The following IGSF21 variants were observed in gnomAD, a reference collection of about 807,000 sequenced individuals.
The protein encoded by IGSF21 is immunoglobulin superfamily member 21.
Under a neutral mutation model 46.8 loss-of-function variants are expected in IGSF21, and 28 were observed. The ratio of observed to expected loss-of-function variants is 0.60; its 90% CI spans 0.44 to 0.82. The LOEUF is 0.82. Ranked by LOEUF, IGSF21 falls within the 40% of genes least tolerant of loss-of-function variation. The pLI is 0.00. For missense variants in IGSF21, 624 were observed against 665.5 expected, an observed-to-expected ratio of 0.94 and a Z score of 0.69; for synonymous variants, 284 against 273.6, an observed-to-expected ratio of 1.04 and a Z score of -0.38.
At chr1:18,270,159 T>C (rs1251207349) in intron 2 of IGSF21, among the ~76,000 whole-genome samples, 1 of 152,212 alleles carries the variant, frequency 6.6e-6, no homozygotes, top group Admixed American at 6.5e-5. Flanking sequence ...TTCTTGTGGT[T>C]GAACTACCAG....
chr1:18,203,555 C>T (rs533601637), intron 1 of IGSF21, among the ~76,000 whole-genome samples: 4 of 152,298 alleles, frequency 2.6e-5, no homozygotes, highest in East Asian at 1.9e-4. Flanking sequence ...GTGATCTGCC[C>T]GCCTCAGCTT....
At position 18,275,269 on chromosome 1, in the gene IGSF21, G is replaced by A. The variant is rs112303017; in HGVS notation, c.184-16597G>A. On this transcript the variant is annotated intron_variant, in intron 2 of 9. Coordinates refer to ENST00000251296, the MANE Select transcript of IGSF21 (RefSeq NM_032880.5). Reference sequence around the variant, plus strand: ...ACCACACTGGGAGTAGATCTGGGAGGCAGTCTTGACCCAGGGATCTAAGCT... The same window carrying A: ...ACCACACTGGGAGTAGATCTGGGAGACAGTCTTGACCCAGGGATCTAAGCT... Among the ~76,000 whole-genome samples the A allele has an allele frequency of 2.3e-3, 350 of 152,276 alleles. 3 individuals are homozygous for A. The highest frequency in any genetic ancestry group is 8.1e-3 in the African/African-American group (336 of 41,552).
At chr1:18,198,847 A>T (rs1262923181) in intron 1 of IGSF21, among the ~76,000 whole-genome samples, 1 of 152,168 alleles carries the variant, frequency 6.6e-6, no homozygotes, top group Non-Finnish European at 1.5e-5. Context: ...TGGGAGTAAT[A>T]GGCTTTGTTA....
intron 5 of IGSF21, among the ~76,000 whole-genome samples, chr1:18,362,916 G>A (rs893449487): frequency 2.6e-5 from 4 of 152,188 alleles, no homozygotes; most frequent in African/African-American, 9.7e-5. Flanking sequence ...GAACAACCAT[G>A]AGCAGGAAAT....
At chr1:18,128,270 G>C (rs2086290051) in intron 1 of IGSF21, among the ~76,000 whole-genome samples, 1 of 152,178 alleles carries the variant, frequency 6.6e-6, no homozygotes, top group African/African-American at 2.4e-5. Context: ...GGGGAGTAAA[G>C]CAGGGCTGTG....
At position 18,291,930 on chromosome 1, in the gene IGSF21, A is replaced by C; in HGVS notation, c.248A>C (p.Tyr83Ser). The change falls in exon 3 of 10, where the codon TAC becomes TCC. Residue 83 changes from tyrosine to serine, a missense_variant. By Grantham distance (144) the Tyr-to-Ser change is moderately radical. Coordinates refer to ENST00000251296, the MANE Select transcript of IGSF21 (RefSeq NM_032880.5). Reference sequence around the variant, plus strand: ...TTCGACGCCATGTTCTCCACCAACTACTCACACATGGAGAACTACCGCAAG... The same window carrying C: ...TTCGACGCCATGTTCTCCACCAACTCCTCACACATGGAGAACTACCGCAAG... ...FTFDAMFSTN[Y>S]SHMENYRKRE... 1.9e-6 allele frequency: 3 copies of C among 1,613,008 alleles called. No individual in the cohort carries two copies. Among genetic ancestry groups the C allele is most frequent in the Non-Finnish European group, 2.5e-6 (3 of 1,179,840 alleles).
intron 3 of IGSF21, among the ~76,000 whole-genome samples, chr1:18,305,481 G>T (rs1177998394): frequency 7.1e-6 from 1 of 141,628 alleles, no homozygotes; most frequent in African/African-American, 2.7e-5. Flanking sequence ...ATGGATGGAT[G>T]GATGGATGAT....
intron 3 of IGSF21, among the ~76,000 whole-genome samples, chr1:18,304,263 A>G (rs1337857115): frequency 3.9e-5 from 6 of 152,194 alleles, no homozygotes; most frequent in Non-Finnish European, 7.3e-5. Flanking sequence ...GAGTTGTTTG[A>G]ATCAGATTAG....
chr1:18,365,287 G>C lies in IGSF21; in HGVS notation c.605G>C (p.Ser202Thr). The part of the protein sequence containing the change: ...AVPLSEPPAA[S>T]SGPLQDSRPF... ...CCCCTATCAGAGCCACCAGCTGCGA[G>C]CTCCGGCCCCCTACAGGACAGCAGG... The change falls in exon 6 of 10, where the codon AGC (serine) becomes ACC (threonine). Residue 202 changes from serine (S) to threonine (T), a missense_variant. Coordinates refer to ENST00000251296, the MANE Select transcript of IGSF21 (RefSeq NM_032880.5). The surrounding 1 kb of genome is among the most constrained non-coding windows in gnomAD (Gnocchi z 4.8). 6.2e-7 allele frequency: 1 copy of C among 1,613,914 alleles called. No individual in the cohort carries two copies. The highest frequency in any genetic ancestry group is 1.1e-5 in the South Asian group (1 of 91,076).
chr1:18,331,608 A>G (rs1255211253), intron 3 of IGSF21, among the ~76,000 whole-genome samples: 2 of 152,250 alleles, frequency 1.3e-5, no homozygotes, highest in African/African-American at 2.4e-5. Flanking sequence ...TGTCTTTGTC[A>G]TAAAAGCAGA....
At chr1:18,302,720 A>T (rs1296424058) in intron 3 of IGSF21, among the ~76,000 whole-genome samples, 2 of 152,072 alleles carry the variant, frequency 1.3e-5, no homozygotes, top group Non-Finnish European at 2.9e-5. Context: ...CCAGATCTTG[A>T]TGCCCCAGAG....
At chr1:18,278,203 C>CATTTATTTATTT (rs1457717839) in intron 2 of IGSF21, among the ~76,000 whole-genome samples, 1 of 122,770 alleles carries the variant, frequency 8.1e-6, no homozygotes, top group Non-Finnish European at 1.8e-5. Context: ...AACATGGCTG[C>CATTTATTTATTT]ATTCATTTAT....
At chr1:18,313,327 T>C (rs980855718) in intron 3 of IGSF21, among the ~76,000 whole-genome samples, 1 of 152,114 alleles carries the variant, frequency 6.6e-6, no homozygotes, top group Non-Finnish European at 1.5e-5. Flanking sequence ...TAAGGAACAC[T>C]TCAGACAAGA....
chr1:18,359,366 G>A (rs1290190965), intron 4 of IGSF21, among the ~76,000 whole-genome samples: 6 of 87,336 alleles, frequency 6.9e-5, no homozygotes, highest in African/African-American at 2.1e-4. Context: ...AAGAAAGAAA[G>A]AAAGAAAGAA....
At chr1:18,199,729 G>A (rs989747423) in intron 1 of IGSF21, among the ~76,000 whole-genome samples, 1 of 151,984 alleles carries the variant, frequency 6.6e-6, no homozygotes, top group African/African-American at 2.4e-5. Context: ...GCAAAGCTCC[G>A]ACTTTATTTA....
In IGSF21 at chr1:18,291,701, T is replaced by G. The variant is rs72934818; in HGVS notation, c.184-165T>G. ...CCTACTCTTCCTTCAGGAGGCAACT[T>G]AAAACATCGCTGCCTCCAGGAAGCC... On this transcript the variant is annotated intron_variant, in intron 2 of 9. Transcript: ENST00000251296. Among the ~76,000 whole-genome samples the G allele has an allele frequency of 5.5e-3, 837 of 152,268 alleles. 13 individuals carry two copies. The highest frequency in any genetic ancestry group is 0.019 in the African/African-American group (785 of 41,548).
At chr1:18,302,014 A>G (rs755923197) in intron 3 of IGSF21, among the ~76,000 whole-genome samples, 14 of 152,198 alleles carry the variant, frequency 9.2e-5, no homozygotes, top group Non-Finnish European at 1.5e-4. Flanking sequence ...CTCAGTCCCC[A>G]TGGAGCTGGG....
chr1:18,355,851 T>G (rs74332567), intron 4 of IGSF21, among the ~76,000 whole-genome samples: 4 of 106,282 alleles, frequency 3.8e-5, no homozygotes, highest in Non-Finnish European at 7.5e-5. Context: ...TTTTTTTTTT[T>G]TGAGACGGAG....
At chr1:18,169,025 G>A (rs1321188471) in intron 1 of IGSF21, among the ~76,000 whole-genome samples, 1 of 152,236 alleles carries the variant, frequency 6.6e-6, no homozygotes, top group African/African-American at 2.4e-5. Context: ...CAAGGGCACA[G>A]CACTAACCTG....
Sources: gnomAD v4.1 joint callset for allele counts (sites outside exome capture counted in the v4.1 genomes callset) on GRCh38, gnomAD v4.1.1 for gene constraint, Gnocchi (gnomAD v3.1) non-coding constraint, MANE v1.5 for transcripts, NCBI Gene and HGNC (gene_info 2026-07-23, HGNC 2026-07-21) for gene names.